The following A2ML1 variants were observed in gnomAD, a reference collection of about 807,000 sequenced individuals.
The protein encoded by A2ML1 is alpha-2-macroglobulin like 1, also known as alpha-2-macroglobulin-like protein 1.
In A2ML1, 161 loss-of-function variants were observed where a neutral mutation model predicts 181.9. That is an observed-to-expected ratio of 0.89 (90% confidence interval 0.78 to 1.01). A2ML1 has a LOEUF of 1.01. Among genes scored for constraint, A2ML1 ranks in the 50% least tolerant of loss-of-function variants. A2ML1 has a pLI of 0.00. For synonymous variants in A2ML1, 663 were observed against 666.8 expected (o/e 0.99, Z 0.09); for missense variants, 1,670 against 1,768.1 (o/e 0.94, Z 1.00).
At chr12:8,833,689 T>C (rs1943188613) in intron 4 of A2ML1, among the ~76,000 whole-genome samples, 2 of 152,158 alleles carry the variant, frequency 1.3e-5, no homozygotes, top group African/African-American at 4.8e-5. Flanking sequence ...AGCCACCGTG[T>C]CTGGCCTAAA....
intron 28 of A2ML1, among the ~76,000 whole-genome samples, chr12:8,861,673 G>C (rs1944271880): frequency 6.6e-6 from 1 of 151,694 alleles, no homozygotes; most frequent in African/African-American, 2.4e-5. Flanking sequence ...ATTTTTAGTA[G>C]AGACGGGGTT....
In A2ML1 at chr12:8,838,567, G is replaced by A. The variant is rs1420574944; in HGVS notation, c.970+117G>A. 28 of 658,906 alleles carry A rather than the reference G, an allele frequency of 4.2e-5. No homozygotes were observed. In the East Asian group the frequency reaches 7.7e-4, roughly 18 times the overall value. 40.8% of individuals were successfully genotyped at this position (658,906 alleles called of 1,614,324 possible). A position where few individuals can be genotyped will look rare whatever the true frequency, so the allele number is the denominator to read the frequency against. Reference sequence around the variant, plus strand: ...CTCTTGAGTGTTTGGATGGTACCTTGTTCCTAGTTCATAGTCAAGGGGAAA... The same window carrying A: ...CTCTTGAGTGTTTGGATGGTACCTTATTCCTAGTTCATAGTCAAGGGGAAA... On this transcript the variant is annotated intron_variant, in intron 9 of 35. Transcript: ENST00000299698.
intron 4 of A2ML1, among the ~76,000 whole-genome samples, chr12:8,831,934 G>A (rs1943127566): frequency 6.6e-6 from 1 of 152,148 alleles, no homozygotes; most frequent in South Asian, 2.1e-4. Context: ...ACTTTTAGTA[G>A]AGACGGGGTT....
In A2ML1 at chr12:8,834,698, TTTCTC is replaced by T; in HGVS notation, c.483+23_483+27del. 2 of 1,614,138 alleles carry T rather than the reference TTTCTC, an allele frequency of 1.2e-6. No homozygotes were observed. The highest frequency in any genetic ancestry group is 2.7e-5 in the African/African-American group (2 of 75,064). ...GGAACTACAGGTAAGCGGAAGTTTC[TTTCTC>T]TTCTCTGTCAGTTGTGGAAGAGGAA... On this transcript the variant is annotated intron_variant, in intron 5 of 35. Transcript: ENST00000299698.
chr12:8,834,933 C>G, intron 5 of A2ML1: 1 of 528,698 alleles, frequency 1.9e-6, no homozygotes, highest in South Asian at 2.5e-5. Context: ...CTCTCATTCC[C>G]CTAACTTCTC....
chr12:8,872,356 G>A (rs982974197), intron 33 of A2ML1, among the ~76,000 whole-genome samples: 2 of 152,056 alleles, frequency 1.3e-5, no homozygotes, highest in Non-Finnish European at 2.9e-5. Flanking sequence ...AGCTTTCGGT[G>A]AAGTGGGTTT....
Position 8,857,193 on chromosome 12 carries a change from C to T in A2ML1, c.2878C>T (p.Leu960=), listed in dbSNP as rs751082651. The T allele has an allele frequency of 6.2e-7, 1 of 1,612,640 alleles. No homozygotes were observed. The highest frequency in any genetic ancestry group is 8.5e-7 in the Non-Finnish European group (1 of 1,179,982). Residue 960 remains leucine, a synonymous_variant, in exon 24 of 36, where the codon CTG becomes TTG. Coordinates refer to ENST00000299698, the MANE Select transcript of A2ML1 (RefSeq NM_144670.6). ...CATTATGGGCACAGCCCTGCAGAAC[C>T]TGGATGGTCTGGTGCAGATGCCCAG... is the stretch of plus-strand genomic sequence containing the variant. ...GDIMGTALQN[L]DGLVQMPSGC...
chr12:8,844,953 A>G, intron 12 of A2ML1: 1 of 1,312,882 alleles, frequency 7.6e-7, no homozygotes, highest in Admixed American at 3.6e-5. Flanking sequence ...TTCAAGTGAG[A>G]GTGGACGGGA....
intron 12 of A2ML1, among the ~76,000 whole-genome samples, chr12:8,843,717 T>A (rs1256695230): frequency 6.9e-6 from 1 of 144,148 alleles, no homozygotes; most frequent in Non-Finnish European, 1.6e-5. Flanking sequence ...ATTCCTTTTT[T>A]TTTCTTTTTT....
chr12:8,845,109 C>G, intron 12 of A2ML1: 1 of 1,452,298 alleles, frequency 6.9e-7, no homozygotes, highest in Non-Finnish European at 9.0e-7. Context: ...CGCTGACTTT[C>G]TGTTACAAAG....
intron 12 of A2ML1, among the ~76,000 whole-genome samples, chr12:8,844,348 C>T (rs1225228525): frequency 6.7e-6 from 1 of 148,198 alleles, no homozygotes; most frequent in Admixed American, 6.7e-5. Flanking sequence ...GTGATCTGCC[C>T]ACCTTGGCCT....
rs748057005 is a variant in A2ML1 at position 8,855,581 on chromosome 12, T to C, written c.2837T>C (p.Val946Ala). ...GTTCCTGACTCGACCAAGGCTTATG[T>C]TACGGTTCTGGGTAAGCAGTTAGAG... ...DIVPDSTKAY[V>A]TVLGDIMGTA... The change falls in exon 23 of 36, where the codon GTT (valine) becomes GCT (alanine). Residue 946 changes from valine (V) to alanine (A), a missense_variant. By Grantham distance (64) the Val-to-Ala change is moderately conservative (BLOSUM62 0). Transcript: ENST00000299698. 2 of 1,614,110 alleles carry C rather than the reference T, an allele frequency of 1.2e-6. No homozygotes were observed. The highest frequency in any genetic ancestry group is 2.2e-5 in the South Asian group (2 of 91,066).
intron 3 of A2ML1, among the ~76,000 whole-genome samples, chr12:8,827,242 AGGCAGGAGAAT>A (rs1358093938): frequency 1.3e-5 from 2 of 152,188 alleles, no homozygotes; most frequent in Non-Finnish European, 2.9e-5. Context: ...GGGGAGGCTG[AGGCAGGAGAAT>A]CACTTGAACC....
At chr12:8,831,074 C>G (rs1943096216) in intron 4 of A2ML1, 1 of 152,118 alleles carries the variant, frequency 6.6e-6, no homozygotes, top group Non-Finnish European at 1.5e-5. Context: ...CTCAGTCTCC[C>G]CAGTAGCTGG....
chr12:8,851,910 C>T lies in A2ML1; in HGVS notation c.2361C>T (p.Phe787=). ...CACCCACTGTTGGACTAACTGCTTT[C>T]AAGCCGTTCTTTGTTGACCTGACTC... The part of the protein sequence containing the change: ...GLSPTVGLTA[F]KPFFVDLTLP... The change falls in exon 19 of 36, where the codon TTC becomes TTT. Residue 787 remains phenylalanine, a synonymous_variant. Coordinates refer to ENST00000299698, the MANE Select transcript of A2ML1 (RefSeq NM_144670.6). The T allele has an allele frequency of 1.2e-6, 2 of 1,614,220 alleles. No homozygotes were observed. The highest frequency in any genetic ancestry group is 1.7e-6 in the Non-Finnish European group (2 of 1,180,038).
intron 28 of A2ML1, among the ~76,000 whole-genome samples, chr12:8,862,468 C>G (rs1431005115): frequency 6.6e-6 from 1 of 152,158 alleles, no homozygotes; most frequent in African/African-American, 2.4e-5. Flanking sequence ...TTCCAAAGTG[C>G]TGAATTACAA....
downstream of A2ML1, among the ~76,000 whole-genome samples, chr12:8,881,172 C>T (rs760033001): frequency 6.6e-6 from 1 of 151,934 alleles, no homozygotes; most frequent in Non-Finnish European, 1.5e-5. Flanking sequence ...GTTTAGTATA[C>T]GGGGCCTGCA....
In A2ML1 at chr12:8,836,762, C is replaced by T. The variant is rs769059869; in HGVS notation, c.728+423C>T. On this transcript the variant is annotated intron_variant, in intron 7 of 35. Transcript: ENST00000299698. ...GCCTCCCAAAGTGTTGGATTACAGA[C>T]GTGAGCCACCGCGCCCAGCCAAGAA... Among the ~76,000 whole-genome samples the T allele has an allele frequency of 2.0e-4, 30 of 152,200 alleles. No individual in the cohort carries two copies. The East Asian group carries it at 3.9e-3, about 20-fold the overall frequency.
chr12:8,874,019 AT>A (rs1024383972), intron 33 of A2ML1, among the ~76,000 whole-genome samples: 7 of 151,138 alleles, frequency 4.6e-5, no homozygotes, highest in Admixed American at 4.6e-4. Flanking sequence ...TAAAAAAAAA[AT>A]TTTTTTTTAA....
Sources: gnomAD v4.1 joint callset for allele counts (sites outside exome capture counted in the v4.1 genomes callset) on GRCh38, gnomAD v4.1.1 for gene constraint, MANE v1.5 for transcripts, NCBI Gene and HGNC (gene_info 2026-07-23, HGNC 2026-07-21) for gene names.